The following INPP5A variants were observed in gnomAD, a reference collection of about 807,000 sequenced individuals.
INPP5A encodes inositol polyphosphate-5-phosphatase A.
INPP5A carries 14 observed loss-of-function variants against 65.2 expected under a neutral mutation model. That is an observed-to-expected ratio of 0.21 (90% CI 0.14 to 0.34). INPP5A has a LOEUF of 0.34. Ranked by LOEUF, INPP5A falls within the 10% of genes least tolerant of loss-of-function variation. INPP5A has a pLI of 1.00. For synonymous variants in INPP5A, 207 were observed against 208.3 expected (o/e 0.99, Z 0.05); for missense variants, 431 against 545.6 (o/e 0.79, Z 2.09).
intron 7 of INPP5A, among the ~76,000 whole-genome samples, chr10:132,709,283 A>G (rs1002683550): frequency 2.0e-5 from 1 of 50,134 alleles, no homozygotes; most frequent in African/African-American, 8.3e-5. Context: ...AGGGGGGAGG[A>G]GGGGGAGGAG....
intron 11 of INPP5A, among the ~76,000 whole-genome samples, chr10:132,759,544 G>A (rs1016768697): frequency 4.6e-5 from 7 of 152,242 alleles, no homozygotes; most frequent in Non-Finnish European, 7.4e-5. Flanking sequence ...TGTGGTAGCC[G>A]GAGGGGCCCA....
At chr10:132,677,324 C>G (rs1013097206) in intron 4 of INPP5A, among the ~76,000 whole-genome samples, 3 of 152,254 alleles carry the variant, frequency 2.0e-5, no homozygotes, top group Non-Finnish European at 4.4e-5. Flanking sequence ...CCCCCCTCAC[C>G]ACGCTGCCGT....
intron 2 of INPP5A, among the ~76,000 whole-genome samples, chr10:132,610,180 A>G (rs1296437876): frequency 1.3e-5 from 2 of 152,110 alleles, no homozygotes; most frequent in African/African-American, 4.8e-5. Context: ...CTGGGGCTCC[A>G]AAGGCCTCTT....
Position 132,708,380 on chromosome 10 carries a change from TG to T in INPP5A, c.527+16del, listed in dbSNP as rs1187236713. ...ATTGCAGACTGGTACGTGGTGTCTGTGCTTTGTCAATTTCCATAACGTTTCT... is the reference window on the plus strand; with the variant it reads ...ATTGCAGACTGGTACGTGGTGTCTGTCTTTGTCAATTTCCATAACGTTTCT... On this transcript the variant is annotated intron_variant, in intron 7 of 15. Transcript: ENST00000368594. 4 of 1,612,436 alleles carry T rather than the reference TG, an allele frequency of 2.5e-6. No individual in the cohort carries two copies. Among genetic ancestry groups the T allele is most frequent in the Non-Finnish European group, 3.4e-6 (4 of 1,178,540 alleles).
chr10:132,595,378 C>T (rs1404845749), intron 1 of INPP5A, among the ~76,000 whole-genome samples: 2 of 152,226 alleles, frequency 1.3e-5, no homozygotes, highest in Non-Finnish European at 2.9e-5. Context: ...TCTATGTGCT[C>T]ATTGTAAATC....
chr10:132,656,885 G>A (rs575991042), intron 4 of INPP5A, among the ~76,000 whole-genome samples: 1 of 152,224 alleles, frequency 6.6e-6, no homozygotes, highest in Non-Finnish European at 1.5e-5. Context: ...GATGGTGCAT[G>A]TGGGGAACCG....
At position 132,650,063 on chromosome 10, in the gene INPP5A, G is replaced by A. The variant is rs188319533; in HGVS notation, c.219-355G>A. On this transcript the variant is annotated intron_variant, in intron 3 of 15. Coordinates refer to ENST00000368594, the MANE Select transcript of INPP5A (RefSeq NM_005539.5). This position sits in a 1 kb window ranked among gnomAD's most constrained non-coding sequence, Gnocchi z 5.5. ...ACTGGGGGTCCAATTTCTCTCTTAAGACCAAGCGTGAGCTATCAGGAGAGC... is the reference window on the plus strand; with the variant it reads ...ACTGGGGGTCCAATTTCTCTCTTAAAACCAAGCGTGAGCTATCAGGAGAGC... Among the ~76,000 whole-genome samples the A allele has an allele frequency of 1.5e-3, 234 of 152,290 alleles. No individual in the cohort carries two copies. The highest frequency in any genetic ancestry group is 5.3e-3 in the African/African-American group (222 of 41,566).
intron 2 of INPP5A, among the ~76,000 whole-genome samples, chr10:132,610,141 C>T (rs183069133): frequency 1.3e-5 from 2 of 152,328 alleles, no homozygotes; most frequent in East Asian, 1.9e-4. Context: ...CCCTGGGCTT[C>T]CTCACACCAG....
chr10:132,720,145 T>C (rs1845838793), intron 8 of INPP5A, among the ~76,000 whole-genome samples: 2 of 150,344 alleles, frequency 1.3e-5, no homozygotes, highest in South Asian at 4.2e-4. Flanking sequence ...GATGGCTGTC[T>C]TCAGGGTTCT....
rs111349518 is a variant in INPP5A, at chr10:132,616,075, G to A, written c.117+8119G>A. ...GGAGCGGTGAGGGATGGTCGTGTGC[G>A]TCGTTTTAGGAGCATGTGTGTGAGC... On this transcript the variant is annotated intron_variant, in intron 2 of 15. Transcript: ENST00000368594. The surrounding 1 kb of genome is among the most constrained non-coding windows in gnomAD (Gnocchi z 4.9). Among the ~76,000 whole-genome samples the A allele has an allele frequency of 1.4e-4, 21 of 152,288 alleles. No homozygotes were observed. Among genetic ancestry groups the A allele is most frequent in the African/African-American group, 4.8e-4 (20 of 41,570 alleles).
At chr10:132,604,493 C>T (rs1429956433) in intron 1 of INPP5A, among the ~76,000 whole-genome samples, 7 of 152,232 alleles carry the variant, frequency 4.6e-5, no homozygotes, top group African/African-American at 1.7e-4. Context: ...CCTCTTCCCC[C>T]CGTTTGTTAT....
chr10:132,723,989 A>T (rs1845940562), intron 8 of INPP5A, among the ~76,000 whole-genome samples: 1 of 152,220 alleles, frequency 6.6e-6, no homozygotes, highest in African/African-American at 2.4e-5. Flanking sequence ...TTTAACCTAA[A>T]GTGGAAGGAA....
chr10:132,610,478 G>A (rs1000856417), intron 2 of INPP5A, among the ~76,000 whole-genome samples: 6 of 152,232 alleles, frequency 3.9e-5, no homozygotes, highest in African/African-American at 7.2e-5. Context: ...CTTCCCAAGC[G>A]AGGTGCTGGC....
At chr10:132,693,232 GC>G (rs917214307) in intron 5 of INPP5A, among the ~76,000 whole-genome samples, 2 of 152,164 alleles carry the variant, frequency 1.3e-5, no homozygotes, top group Non-Finnish European at 2.9e-5. Context: ...GCCAGAGAAG[GC>G]AGATAAAGAA....
chr10:132,557,074 T>C (rs943984853), intron 1 of INPP5A, among the ~76,000 whole-genome samples: 1 of 152,244 alleles, frequency 6.6e-6, no homozygotes, highest in African/African-American at 2.4e-5. Flanking sequence ...TTTTGTATGC[T>C]GTGACACCGG....
chr10:132,592,972 G>T (rs1277234962), intron 1 of INPP5A, among the ~76,000 whole-genome samples: 1 of 152,126 alleles, frequency 6.6e-6, no homozygotes, highest in Non-Finnish European at 1.5e-5. Flanking sequence ...ACTAGGCAGG[G>T]CCTGCTCTCA....
chr10:132,685,836 G>A (rs1428606095), intron 4 of INPP5A, among the ~76,000 whole-genome samples: 2 of 152,198 alleles, frequency 1.3e-5, no homozygotes, highest in African/African-American at 4.8e-5. Flanking sequence ...TTGCAAAGTG[G>A]GCCCGCTATC....
chr10:132,614,340 G>A (rs1284247992), intron 2 of INPP5A, among the ~76,000 whole-genome samples: 3 of 152,170 alleles, frequency 2.0e-5, no homozygotes, highest in Non-Finnish European at 2.9e-5. Flanking sequence ...GGTGGTGGGC[G>A]CCTGTAATCT....
chr10:132,691,853 C>T (rs1845271173), intron 5 of INPP5A, among the ~76,000 whole-genome samples: 1 of 150,452 alleles, frequency 6.6e-6, no homozygotes, highest in Non-Finnish European at 1.5e-5. Context: ...CGTGCGGTCG[C>T]GGGAGACGTG....
Sources: gnomAD v4.1 joint callset for allele counts (sites outside exome capture counted in the v4.1 genomes callset) on GRCh38, gnomAD v4.1.1 for gene constraint, Gnocchi (gnomAD v3.1) non-coding constraint, MANE v1.5 for transcripts, NCBI Gene and HGNC (gene_info 2026-07-23, HGNC 2026-07-21) for gene names.